VPS13B: variants seen among roughly 807,000 people sequenced by gnomAD.
The protein encoded by VPS13B is vacuolar protein sorting 13 homolog B.
A neutral mutation model predicts 426.4 loss-of-function variants in VPS13B; 285 were observed. The observed-to-expected ratio is 0.67, with a 90% CI of 0.61 to 0.74. VPS13B has a LOEUF of 0.74. Ranked by LOEUF, VPS13B falls within the 30% of genes least tolerant of loss-of-function variation. The probability of loss-of-function intolerance (pLI) is 0.00; values close to 1 mark genes in which losing one functional copy is unlikely to be tolerated. For synonymous variants in VPS13B, 1,676 were observed against 1,676.4 expected, an observed-to-expected ratio of 1.00 and a Z score of 0.01; for missense variants, 4,537 against 4,782.6, an observed-to-expected ratio of 0.95 and a Z score of 1.51.
intron 29 of VPS13B, among the ~76,000 whole-genome samples, chr8:99,518,739 A>T (rs1377556830): frequency 6.6e-6 from 1 of 152,178 alleles, no homozygotes; most frequent in Non-Finnish European, 1.5e-5. Context: ...AGTATGTGAA[A>T]ATATACTGAA....
chr8:99,475,739 C>A (rs1722680243), intron 24 of VPS13B, among the ~76,000 whole-genome samples: 1 of 152,142 alleles, frequency 6.6e-6, no homozygotes, highest in South Asian at 2.1e-4. Context: ...TATGTCTGTT[C>A]CTTCCCTGTT....
chr8:99,073,035 T>C (rs11988364), intron 3 of VPS13B, among the ~76,000 whole-genome samples: 12,623 of 152,178 alleles, frequency 0.083, 886 homozygotes, highest in African/African-American at 0.19. Context: ...GTGATGCCTG[T>C]AGGTTTGTTC....
chr8:99,391,484 T>A (rs947991780), intron 20 of VPS13B, 73 bp from the exon 21 acceptor site: 1 of 1,609,600 alleles, frequency 6.2e-7, no homozygotes, highest in South Asian at 1.1e-5. Context: ...AGTATTGCCA[T>A]GTTTAACCTT....
At chr8:99,351,431 AGAGAGTGTGTGT>A (rs1010487280) in intron 19 of VPS13B, among the ~76,000 whole-genome samples, 3 of 147,618 alleles carry the variant, frequency 2.0e-5, no homozygotes, top group Middle Eastern at 3.4e-3. Flanking sequence ...AGAGAGAGAG[AGAGAGTGTGTGT>A]GTGTGTGTGT....
At chr8:99,198,634 T>C (rs1814091860) in intron 17 of VPS13B, among the ~76,000 whole-genome samples, 1 of 152,182 alleles carries the variant, frequency 6.6e-6, no homozygotes, top group Non-Finnish European at 1.5e-5. Context: ...CCTCAAGTTC[T>C]GTCATTTAGA....
chr8:99,274,195 T>A lies in VPS13B; in HGVS notation c.2516-3T>A, dbSNP rs377723973. On this transcript the variant is annotated splice_region_variant and splice_polypyrimidine_tract_variant and intron_variant, in intron 17 of 61. Transcript: ENST00000357162. ...TAGTACATTTGCAGTTTTCTTTTAT[T>A]AGGTGTGAAATCTAAGAATCCCCTG... The A allele has an allele frequency of 1.4e-5, 23 of 1,614,106 alleles. No individual in the cohort carries two copies. The highest frequency in any genetic ancestry group is 1.1e-4 in the African/African-American group (8 of 75,036).
chr8:99,230,968 C>G (rs1816290897), intron 17 of VPS13B, among the ~76,000 whole-genome samples: 1 of 152,188 alleles, frequency 6.6e-6, no homozygotes, highest in African/African-American at 2.4e-5. Context: ...TTATATCTAG[C>G]AGCCTAACAT....
At chr8:99,793,284 T>TATATATAA (rs1282918685) in intron 43 of VPS13B, among the ~76,000 whole-genome samples, 2 of 142,538 alleles carry the variant, frequency 1.4e-5, no homozygotes, top group African/African-American at 5.2e-5. Context: ...TATATATATA[T>TATATATAA]AAAATACATG....
At chr8:99,497,610 A>G (rs887406453) in intron 25 of VPS13B, among the ~76,000 whole-genome samples, 2 of 151,946 alleles carry the variant, frequency 1.3e-5, no homozygotes, top group Non-Finnish European at 2.9e-5. Context: ...TTGAACATAC[A>G]TTGATAATTG....
chr8:99,774,262 T>C (rs1188500919), intron 40 of VPS13B, among the ~76,000 whole-genome samples: 3 of 152,190 alleles, frequency 2.0e-5, no homozygotes, highest in Non-Finnish European at 2.9e-5. Context: ...GTAACCATTT[T>C]AGTCGGGATT....
intron 17 of VPS13B, among the ~76,000 whole-genome samples, chr8:99,231,647 C>T (rs1048869439): frequency 2.0e-5 from 3 of 152,110 alleles, no homozygotes; most frequent in Admixed American, 1.3e-4. Context: ...TTTTCCAACT[C>T]ATTTTTATTA....
chr8:99,574,918 C>A (rs1327351302), intron 31 of VPS13B, among the ~76,000 whole-genome samples: 1 of 152,154 alleles, frequency 6.6e-6, no homozygotes, highest in Non-Finnish European at 1.5e-5. Flanking sequence ...AATCCCAGCA[C>A]TTTGAGAGTC....
intron 30 of VPS13B, among the ~76,000 whole-genome samples, chr8:99,523,658 T>G (rs1822496213): frequency 6.6e-6 from 1 of 152,220 alleles, no homozygotes; most frequent in Non-Finnish European, 1.5e-5. Context: ...AGAGCCACAG[T>G]GTTACTGGGC....
intron 17 of VPS13B, among the ~76,000 whole-genome samples, chr8:99,220,330 T>C (rs969832930): frequency 6.6e-6 from 1 of 152,212 alleles, no homozygotes; most frequent in African/African-American, 2.4e-5. Flanking sequence ...AGCAAATACA[T>C]ATTACTCTCT....
intron 55 of VPS13B, among the ~76,000 whole-genome samples, chr8:99,851,946 G>C (rs1399267333): frequency 1.6e-4 from 24 of 152,080 alleles, no homozygotes. Context: ...AGGGAGACTA[G>C]TTAGGAGAGG....
rs148542384 is a variant in VPS13B, at chr8:99,494,287, C to T, written c.3871-7400C>T. 3.9e-4 allele frequency among the ~76,000 whole-genome samples: 59 copies of T among 152,154 alleles called. 1 individual carries two copies. The highest frequency in any genetic ancestry group is 1.2e-3 in the South Asian group (6 of 4,814). On this transcript the variant is annotated intron_variant, in intron 25 of 61. Transcript: ENST00000357162. ...TCTTCCCCAACTGAAATTCTGTATC[C>T]GTTAAAAAATAACTCACCATCTTAA...
chr8:99,559,337 G>T (rs1380109781), intron 31 of VPS13B, among the ~76,000 whole-genome samples: 7 of 152,052 alleles, frequency 4.6e-5, no homozygotes, highest in Admixed American at 3.3e-4. Flanking sequence ...TTGCAAAAAT[G>T]TTCTCCCATT....
intron 33 of VPS13B, among the ~76,000 whole-genome samples, chr8:99,606,443 T>A (rs1827576720): frequency 7.2e-6 from 1 of 138,810 alleles, no homozygotes; most frequent in Admixed American, 8.1e-5. Flanking sequence ...GGCTGAAGGA[T>A]CACTTAAGCT....
chr8:99,489,892 T>C (rs1160748088), intron 25 of VPS13B, among the ~76,000 whole-genome samples: 1 of 152,204 alleles, frequency 6.6e-6, no homozygotes, highest in East Asian at 1.9e-4. Context: ...GAATACCCTT[T>C]ATTTCTTTCT....
Sources: gnomAD v4.1 joint callset for allele counts (sites outside exome capture counted in the v4.1 genomes callset) on GRCh38, gnomAD v4.1.1 for gene constraint, MANE v1.5 for transcripts, NCBI Gene and HGNC (gene_info 2026-07-23, HGNC 2026-07-21) for gene names.